The following PXDC1 variants were observed in gnomAD, a reference collection of about 807,000 sequenced individuals.
PXDC1 encodes the protein PX domain containing 1, also known as PX domain-containing protein 1.
PXDC1 carries 13 observed loss-of-function variants against 24.4 expected under a neutral mutation model. That is an observed-to-expected ratio of 0.53 (90% CI 0.35 to 0.85). The LOEUF is 0.85. Ranked by LOEUF, PXDC1 falls within the 40% of genes least tolerant of loss-of-function variation. The pLI is 0.01. For synonymous variants in PXDC1, 162 were observed against 124.9 expected, an observed-to-expected ratio of 1.30 and a Z score of -1.98; for missense variants, 344 against 309.3, an observed-to-expected ratio of 1.11 and a Z score of -0.84.
At chr6:3,745,843 T>C (rs997696987) in intron 1 of PXDC1, among the ~76,000 whole-genome samples, 2 of 152,248 alleles carry the variant, frequency 1.3e-5, no homozygotes, top group African/African-American at 2.4e-5. Flanking sequence ...ATGTGTTTTC[T>C]GCTGAGTCTA....
intron 1 of PXDC1, chr6:3,738,957 G>A: frequency 1.5e-6 from 2 of 1,296,980 alleles, no homozygotes; most frequent in Non-Finnish European, 2.0e-6. Context: ...GACCGAGGCT[G>A]ATGCAAACGT....
rs546131807 is a variant in PXDC1 at position 3,736,962 on chromosome 6, G to A, written c.466+117C>T. On this transcript the variant is annotated intron_variant, in intron 3 of 4. Coordinates refer to ENST00000380283, the MANE Select transcript of PXDC1 (RefSeq NM_183373.4). Reference sequence around the variant, plus strand: ...CTCCCTGTACATTCGCATTTCTCTCGATTGTCTTTCTGGAAAAGTGTGGCC... The same window carrying A: ...CTCCCTGTACATTCGCATTTCTCTCAATTGTCTTTCTGGAAAAGTGTGGCC... 198 of 723,690 alleles carry A rather than the reference G, an allele frequency of 2.7e-4. 5 individuals carry two copies. The South Asian group carries it at 3.1e-3, about 11-fold the overall frequency. 44.8% of individuals were successfully genotyped at this position (723,690 alleles called of 1,614,324 possible).
chr6:3,724,597 C>T lies in PXDC1; in HGVS notation c.579-861G>A, dbSNP rs994063060. Among the ~76,000 whole-genome samples the T allele has an allele frequency of 2.0e-5, 3 of 152,164 alleles. No individual in the cohort carries two copies. Among genetic ancestry groups the T allele is most frequent in the Non-Finnish European group, 2.9e-5 (2 of 68,032 alleles). ...ATGAATCAGCCCAAACCCAGCAGGC[C>T]GCGTGGGAGTGTGGACAGAGGCAAG... On this transcript the variant is annotated intron_variant, in intron 4 of 4. Transcript: ENST00000380283. This position sits in a 1 kb window ranked among gnomAD's most constrained non-coding sequence, Gnocchi z 4.5.
In PXDC1 at chr6:3,737,370, C is replaced by T. The variant is rs1017369162; in HGVS notation, c.349-174G>A. Among the ~76,000 whole-genome samples, 1 of 152,244 alleles carries T rather than the reference C, an allele frequency of 6.6e-6. No homozygotes were observed. The highest frequency in any genetic ancestry group is 2.4e-5 in the African/African-American group (1 of 41,466). On this transcript the variant is annotated intron_variant, in intron 2 of 4. Transcript: ENST00000380283. The surrounding 1 kb of genome is among the most constrained non-coding windows in gnomAD (Gnocchi z 5.5). ...CAGGGGCGGGGCTGCCATCACTGCA[C>T]AGCCCTCACATGCTCATGGCCCAGG...
intron 1 of PXDC1, among the ~76,000 whole-genome samples, chr6:3,743,016 G>C (rs1160936516): frequency 6.6e-6 from 1 of 152,214 alleles, no homozygotes; most frequent in Non-Finnish European, 1.5e-5. Flanking sequence ...ACAAAAATCT[G>C]ACAGTGAGAG....
Position 3,728,716 on chromosome 6 carries a change from T to G in PXDC1, c.467-1054A>C, listed in dbSNP as rs939592415. On this transcript the variant is annotated intron_variant, in intron 3 of 4. Transcript: ENST00000380283. The surrounding 1 kb of genome is among the most constrained non-coding windows in gnomAD (Gnocchi z 4.0). ...GGATCCTTCTCACTCTGAAATCCCA[T>G]GAACTCCTGGATCGCATCATGCCAT... Among the ~76,000 whole-genome samples the G allele has an allele frequency of 1.3e-5, 2 of 152,192 alleles. No homozygotes were observed. Among genetic ancestry groups the G allele is most frequent in the Admixed American group, 1.3e-4 (2 of 15,282 alleles).
In PXDC1 at chr6:3,731,389, T is replaced by A. The variant is rs1366191047; in HGVS notation, c.467-3727A>T. On this transcript the variant is annotated intron_variant, in intron 3 of 4. Transcript: ENST00000380283. Reference sequence around the variant, plus strand: ...TAGCATCTGAGCCTCTCTTCAAACATACAGTGTGAATGTCTTAGAAGTCAG... The same window carrying A: ...TAGCATCTGAGCCTCTCTTCAAACAAACAGTGTGAATGTCTTAGAAGTCAG... Among the ~76,000 whole-genome samples the A allele has an allele frequency of 2.6e-5, 4 of 152,248 alleles. No homozygotes were observed. In the South Asian group the frequency reaches 8.3e-4, roughly 31 times the overall value.
At chr6:3,735,122 T>C (rs1284126018) in intron 3 of PXDC1, among the ~76,000 whole-genome samples, 1 of 152,076 alleles carries the variant, frequency 6.6e-6, no homozygotes. Context: ...AATCCTAAAA[T>C]GTATATGGAA....
intron 1 of PXDC1, among the ~76,000 whole-genome samples, chr6:3,743,817 C>A (rs1441176291): frequency 6.6e-6 from 1 of 152,252 alleles, no homozygotes; most frequent in Non-Finnish European, 1.5e-5. Flanking sequence ...CCCACACCTC[C>A]ACGCTGCAAT....
chr6:3,743,450 G>T (rs140415609), intron 1 of PXDC1, among the ~76,000 whole-genome samples: 1,651 of 152,090 alleles, frequency 0.011, 28 homozygotes, highest in African/African-American at 0.033. Context: ...AGAGGTGAAG[G>T]GGGGAACGCA....
intron 4 of PXDC1, 77 bp from the exon 5 acceptor site, chr6:3,723,813 A>G (rs1350471043): frequency 7.5e-6 from 8 of 1,061,570 alleles, no homozygotes; most frequent in East Asian, 4.8e-5. Flanking sequence ...GACCATGAGC[A>G]TGACTTTCAA....
Position 3,751,427 on chromosome 6 carries a change from TTCG to T in PXDC1, c.102_104del (p.Asp34del). On this transcript the variant is annotated inframe_deletion, in exon 1 of 5. Coordinates refer to ENST00000380283, the MANE Select transcript of PXDC1 (RefSeq NM_183373.4). ...CCGTGCGGATCTCGAAGAACTCCTC[TTCG>T]TCGCCGCGCCGGCTGACGATGAGCC... 1 of 1,587,322 alleles carries T rather than the reference TTCG, an allele frequency of 6.3e-7. No individual in the cohort carries two copies. Among genetic ancestry groups the T allele is most frequent in the South Asian group, 1.1e-5 (1 of 87,032 alleles).
At chr6:3,747,001 G>T (rs916628120) in intron 1 of PXDC1, among the ~76,000 whole-genome samples, 1 of 152,168 alleles carries the variant, frequency 6.6e-6, no homozygotes, top group Admixed American at 6.5e-5. Flanking sequence ...GCAGGTAGAT[G>T]AATGTCTTTG....
Position 3,725,796 on chromosome 6 carries a change from G to A in PXDC1, c.578+1755C>T, listed in dbSNP as rs1277846672. Among the ~76,000 whole-genome samples the A allele has an allele frequency of 6.6e-6, 1 of 152,210 alleles. No individual in the cohort carries two copies. The highest frequency in any genetic ancestry group is 1.5e-5 in the Non-Finnish European group (1 of 68,032). ...CCACTGCACTGCCCGAGATTGAGGA[G>A]CCAGAGAAAGGCCCGGCAAGCCCAA... On this transcript the variant is annotated intron_variant, in intron 4 of 4. Coordinates refer to ENST00000380283, the MANE Select transcript of PXDC1 (RefSeq NM_183373.4). The surrounding 1 kb of genome is among the most constrained non-coding windows in gnomAD (Gnocchi z 4.8).
At position 3,737,976 on chromosome 6, in the gene PXDC1, G is replaced by A. The variant is rs186693519; in HGVS notation, c.348+81C>T. 5.6e-5 allele frequency: 65 copies of A among 1,170,062 alleles called. No homozygotes were observed. The highest frequency in any genetic ancestry group is 4.8e-4 in the Middle Eastern group (2 of 4,188). The allele number at this position is 1,170,062 out of a possible 1,614,324, so 72.5% of individuals were successfully genotyped here. On this transcript the variant is annotated intron_variant, in intron 2 of 4. Transcript: ENST00000380283. The surrounding 1 kb of genome is among the most constrained non-coding windows in gnomAD (Gnocchi z 5.5). ...GACAGAGCAAGCAAGTCAACCCTCC[G>A]GGGGGATGGACGCCTTTCGCATTTG...
intron 1 of PXDC1, 124 bp downstream of exon 1, chr6:3,751,152 G>C (rs1264515311): frequency 1.3e-6 from 1 of 763,578 alleles, no homozygotes; most frequent in Non-Finnish European, 1.9e-6. Context: ...GGGTCCAAGT[G>C]TCCCCTGTCC....
chr6:3,751,533 T>A lies in PXDC1; in HGVS notation c.-2A>T. ...GCCCTCAAACACCGCCGAGGCCATG[T>A]CGCACGCATGCCCCCGCCAAGGGCT... is the stretch of plus-strand genomic sequence containing the variant. On this transcript the variant is annotated 5_prime_UTR_variant, in exon 1 of 5. Transcript: ENST00000380283. 1 of 1,570,316 alleles carries A rather than the reference T, an allele frequency of 6.4e-7. No homozygotes were observed. Among genetic ancestry groups the A allele is most frequent in the Non-Finnish European group, 8.6e-7 (1 of 1,160,994 alleles).
At chr6:3,745,655 C>CTG (rs1417223088) in intron 1 of PXDC1, among the ~76,000 whole-genome samples, 2 of 152,118 alleles carry the variant, frequency 1.3e-5, no homozygotes, top group African/African-American at 4.8e-5. Context: ...TGTAACTGAG[C>CTG]TGTGTCCCAG....
rs1760117706 is a variant in PXDC1, at chr6:3,728,341, C to T, written c.467-679G>A. Among the ~76,000 whole-genome samples, 1 of 152,198 alleles carries T rather than the reference C, an allele frequency of 6.6e-6. No individual in the cohort carries two copies. Among genetic ancestry groups the T allele is most frequent in the African/African-American group, 2.4e-5 (1 of 41,442 alleles). Reference sequence around the variant, plus strand: ...ATGCCTTCGCATCCTCATAGCTTAGCTCCCACTTCTAAGTGAGAATATACA... The same window carrying T: ...ATGCCTTCGCATCCTCATAGCTTAGTTCCCACTTCTAAGTGAGAATATACA... On this transcript the variant is annotated intron_variant, in intron 3 of 4. Coordinates refer to ENST00000380283, the MANE Select transcript of PXDC1 (RefSeq NM_183373.4). This position sits in a 1 kb window ranked among gnomAD's most constrained non-coding sequence, Gnocchi z 4.0.
Sources: gnomAD v4.1 joint callset for allele counts (sites outside exome capture counted in the v4.1 genomes callset) on GRCh38, gnomAD v4.1.1 for gene constraint, Gnocchi (gnomAD v3.1) non-coding constraint, MANE v1.5 for transcripts, NCBI Gene and HGNC (gene_info 2026-07-23, HGNC 2026-07-21) for gene names.